The following RSPO2 variants were observed in gnomAD, a reference collection of about 807,000 sequenced individuals.
RSPO2 encodes the protein R-spondin 2, also known as R-spondin-2.
In RSPO2, 14 loss-of-function variants were observed where a neutral mutation model predicts 30.9. The observed-to-expected ratio is 0.45, with a 90% CI of 0.30 to 0.71. RSPO2 has a LOEUF of 0.71. Among genes scored for constraint, RSPO2 ranks in the 30% least tolerant of loss-of-function variants. The pLI is 0.08. For missense variants in RSPO2, 264 were observed against 301.9 expected, an observed-to-expected ratio of 0.87 and a Z score of 0.93; for synonymous variants, 107 against 96.4, an observed-to-expected ratio of 1.11 and a Z score of -0.64.
At chr8:107,946,792 C>T (rs909295283) in intron 5 of RSPO2, among the ~76,000 whole-genome samples, 5 of 152,052 alleles carry the variant, frequency 3.3e-5, no homozygotes, top group South Asian at 4.2e-4. Flanking sequence ...TCATTCAACC[C>T]GTAAGTAGTC....
At chr8:108,008,196 T>A (rs1166934323) in intron 2 of RSPO2, among the ~76,000 whole-genome samples, 7 of 152,330 alleles carry the variant, frequency 4.6e-5, no homozygotes, top group Non-Finnish European at 5.9e-5. Context: ...CAATTTTGTT[T>A]TATCTGCACC....
chr8:107,971,707 A>G (rs985410054), intron 3 of RSPO2, among the ~76,000 whole-genome samples: 2 of 152,342 alleles, frequency 1.3e-5, no homozygotes, highest in South Asian at 4.1e-4. Context: ...ACAAGAGAAC[A>G]CTGTGATCTT....
intron 2 of RSPO2, among the ~76,000 whole-genome samples, chr8:108,064,625 A>G (rs200590995): frequency 5.3e-5 from 8 of 152,320 alleles, no homozygotes; most frequent in African/African-American, 1.9e-4. Context: ...TGATTCCTCA[A>G]GGATCTAGAA....
intron 2 of RSPO2, among the ~76,000 whole-genome samples, chr8:108,003,390 C>A (rs1259691536): frequency 9.1e-5 from 13 of 142,288 alleles, no homozygotes; most frequent in African/African-American, 3.4e-4. Context: ...AACTCCTGGC[C>A]TTGGGTAATC....
At chr8:107,994,381 ATTAT>A (rs1250002625) in intron 2 of RSPO2, among the ~76,000 whole-genome samples, 2 of 152,110 alleles carry the variant, frequency 1.3e-5, no homozygotes, top group Non-Finnish European at 2.9e-5. Context: ...CCAGTAAGAT[ATTAT>A]TTACTTTTTT....
At chr8:108,068,078 CA>C (rs796563992) in intron 2 of RSPO2, among the ~76,000 whole-genome samples, 44 of 143,390 alleles carry the variant, frequency 3.1e-4, no homozygotes, top group Admixed American at 1.2e-3. Context: ...CAAAAACAAA[CA>C]AAAAAAAAAC....
chr8:107,969,567 A>C (rs1002565978), intron 3 of RSPO2, among the ~76,000 whole-genome samples: 3 of 152,132 alleles, frequency 2.0e-5, no homozygotes, highest in African/African-American at 7.2e-5. Context: ...TACTGGCTTT[A>C]TTTCTCATAT....
chr8:107,955,511 G>C (rs1332583504), intron 5 of RSPO2, among the ~76,000 whole-genome samples: 2 of 152,024 alleles, frequency 1.3e-5, no homozygotes, highest in Admixed American at 1.3e-4. Context: ...AATGAAGACT[G>C]AGTATTTCAA....
Position 108,060,739 on chromosome 8 carries a change from C to T in RSPO2, c.94+21806G>A, listed in dbSNP as rs953731988. ...CTCCAAGACACGTAATTGTCAGATT[C>T]ACCAAAGTTGAAATGAAGGAAAAAA... On this transcript the variant is annotated intron_variant, in intron 2 of 5. Transcript: ENST00000276659. Among the ~76,000 whole-genome samples, 71 of 151,308 alleles carry T rather than the reference C, an allele frequency of 4.7e-4. 2 individuals are homozygous for T. Among genetic ancestry groups the T allele is most frequent in the African/African-American group, 1.6e-3 (66 of 40,664 alleles).
intron 3 of RSPO2, among the ~76,000 whole-genome samples, chr8:107,976,772 C>A (rs1346026701): frequency 6.6e-6 from 1 of 152,222 alleles, no homozygotes; most frequent in Non-Finnish European, 1.5e-5. Flanking sequence ...GATCCCTGTT[C>A]TCCTGTCTAC....
At chr8:107,963,329 T>A in intron 3 of RSPO2, among the ~76,000 whole-genome samples, 1 of 148,992 alleles carries the variant, frequency 6.7e-6, no homozygotes, top group South Asian at 2.1e-4. Context: ...AGCTCAGGAG[T>A]TCAAGTTCAG....
At chr8:108,001,878 T>C (rs1034507009) in intron 2 of RSPO2, among the ~76,000 whole-genome samples, 5 of 152,000 alleles carry the variant, frequency 3.3e-5, no homozygotes, top group Admixed American at 1.3e-4. Context: ...CACCAGGGCC[T>C]GTCTGGCAGG....
At chr8:107,936,263 C>T (rs1451641407) in intron 5 of RSPO2, among the ~76,000 whole-genome samples, 2 of 152,088 alleles carry the variant, frequency 1.3e-5, no homozygotes, top group Admixed American at 1.3e-4. Flanking sequence ...CATGTTATTG[C>T]AAAATGATGA....
intron 5 of RSPO2, among the ~76,000 whole-genome samples, chr8:107,947,989 G>T (rs556052549): frequency 6.6e-6 from 1 of 152,212 alleles, no homozygotes; most frequent in South Asian, 2.1e-4. Context: ...TTTAAACATG[G>T]TTTCTACCCA....
intron 3 of RSPO2, among the ~76,000 whole-genome samples, chr8:107,966,030 T>C (rs1215859637): frequency 1.3e-5 from 2 of 152,052 alleles, no homozygotes; most frequent in Non-Finnish European, 2.9e-5. Context: ...AGAAAATCCA[T>C]ATGGCAAGTG....
At position 107,900,825 on chromosome 8, in the gene RSPO2, G is replaced by A. The variant is rs996298232; in HGVS notation, c.*250C>T. Reference sequence around the variant, plus strand: ...CTAGCATGTCCATGGTGCCGGGGACGGATTCTCTCAGCACACACTGAGCCA... The same window carrying A: ...CTAGCATGTCCATGGTGCCGGGGACAGATTCTCTCAGCACACACTGAGCCA... On this transcript the variant is annotated 3_prime_UTR_variant, in exon 6 of 6. Coordinates refer to ENST00000276659, the MANE Select transcript of RSPO2 (RefSeq NM_178565.5). 26 of 367,916 alleles carry A rather than the reference G, an allele frequency of 7.1e-5. No individual in the cohort carries two copies. Among genetic ancestry groups the A allele is most frequent in the South Asian group, 3.3e-4 (4 of 12,194 alleles). The allele number at this position is 367,916 out of a possible 1,614,324, so 22.8% of individuals were successfully genotyped here. A position where few individuals can be genotyped will look rare whatever the true frequency, so the allele number is the denominator to read the frequency against.
chr8:107,939,163 T>C (rs1328345636), intron 5 of RSPO2, among the ~76,000 whole-genome samples: 1 of 152,102 alleles, frequency 6.6e-6, no homozygotes, highest in East Asian at 1.9e-4. Context: ...ACAAACATTT[T>C]TTTTTTCCTT....
chr8:107,902,910 G>A lies in RSPO2; in HGVS notation c.617-1720C>T, dbSNP rs1035889669. On this transcript the variant is annotated intron_variant, in intron 5 of 5. Coordinates refer to ENST00000276659, the MANE Select transcript of RSPO2 (RefSeq NM_178565.5). ...GTTCTCATTAAATTCTGGCATTAAT[G>A]TTATAATGGCAGTTTGCCATCTTGA... 2.0e-5 allele frequency among the ~76,000 whole-genome samples: 3 copies of A among 152,062 alleles called. 1 individual carries two copies. Among genetic ancestry groups the A allele is most frequent in the Non-Finnish European group, 4.4e-5 (3 of 67,984 alleles).
intron 2 of RSPO2, among the ~76,000 whole-genome samples, chr8:108,071,908 G>T (rs1013860645): frequency 6.6e-6 from 1 of 152,150 alleles, no homozygotes; most frequent in Non-Finnish European, 1.5e-5. Flanking sequence ...TAACATGGGA[G>T]CTGCAGGAAC....
Sources: allele counts gnomAD v4.1 joint callset (sites outside exome capture counted in the v4.1 genomes callset), GRCh38; gene constraint gnomAD v4.1.1; transcripts MANE v1.5; gene names NCBI Gene and HGNC (gene_info 2026-07-23, HGNC 2026-07-21).